Variants in PRKAR2B observed in about 807,000 individuals in gnomAD.
The protein encoded by PRKAR2B is protein kinase cAMP-dependent type II regulatory subunit beta.
In PRKAR2B, 14 loss-of-function variants were observed where a neutral mutation model predicts 49.9. The observed-to-expected ratio is 0.28, with a 90% confidence interval of 0.19 to 0.44. The LOEUF (loss-of-function observed/expected upper bound fraction) is 0.44, where lower values mean the gene tolerates loss of function less well. Ranked by LOEUF, PRKAR2B falls within the 20% of genes least tolerant of loss-of-function variation. PRKAR2B has a pLI of 1.00. For missense variants in PRKAR2B, 393 were observed against 537.9 expected (o/e 0.73, Z 2.67); for synonymous variants, 196 against 197.7 (o/e 0.99, Z 0.07).
intron 2 of PRKAR2B, among the ~76,000 whole-genome samples, chr7:107,096,913 G>A (rs1794850071): frequency 6.6e-6 from 1 of 152,146 alleles, no homozygotes; most frequent in Non-Finnish European, 1.5e-5. Flanking sequence ...ACTTGCTGAG[G>A]GGTGCTTTAC....
chr7:107,044,805 G>A lies in PRKAR2B; in HGVS notation c.-103G>A. ...CAGTGCGCCGCGCTCGCAGCCGGTA[G>A]CGCGCCAGCGCCGTAGGCGCTCGCT... On this transcript the variant is annotated 5_prime_UTR_variant, in exon 1 of 11. Transcript: ENST00000265717. The A allele has an allele frequency of 1.1e-6, 1 of 918,378 alleles. No individual in the cohort carries two copies. The highest frequency in any genetic ancestry group is 1.8e-5 in the African/African-American group (1 of 56,880). 56.9% of individuals were successfully genotyped at this position (918,378 alleles called of 1,614,324 possible).
chr7:107,104,747 A>T (rs1490707370), intron 2 of PRKAR2B, among the ~76,000 whole-genome samples: 1 of 152,208 alleles, frequency 6.6e-6, no homozygotes, highest in East Asian at 1.9e-4. Flanking sequence ...TCCATTCAAA[A>T]GCAAAAGTAT....
chr7:107,057,090 C>G (rs1793931649), intron 1 of PRKAR2B, among the ~76,000 whole-genome samples: 1 of 152,176 alleles, frequency 6.6e-6, no homozygotes, highest in Non-Finnish European at 1.5e-5. Flanking sequence ...TGCGTTTCCT[C>G]ATCATTCCTG....
Position 107,152,895 on chromosome 7 carries a change from A to G in PRKAR2B, c.844-282A>G, listed in dbSNP as rs80198610. Among the ~76,000 whole-genome samples the G allele has an allele frequency of 1.6e-3, 247 of 152,322 alleles. 1 individual carries two copies. The East Asian group carries it at 0.023, about 14-fold the overall frequency. On this transcript the variant is annotated intron_variant, in intron 7 of 10. Transcript: ENST00000265717. Reference sequence around the variant, plus strand: ...AAGGGACTTTGGCAGATTGGAGAACATGTATTTCATTAAAGAAACAGCTGC... The same window carrying G: ...AAGGGACTTTGGCAGATTGGAGAACGTGTATTTCATTAAAGAAACAGCTGC...
chr7:107,127,365 A>G (rs1334366110), intron 3 of PRKAR2B, among the ~76,000 whole-genome samples: 3 of 152,222 alleles, frequency 2.0e-5, no homozygotes, highest in Non-Finnish European at 4.4e-5. Flanking sequence ...AACTCATTTT[A>G]TAGTTACAAA....
intron 2 of PRKAR2B, among the ~76,000 whole-genome samples, chr7:107,108,552 G>A (rs939892097): frequency 3.3e-5 from 5 of 152,192 alleles, no homozygotes; most frequent in Non-Finnish European, 4.4e-5. Flanking sequence ...TCAATGTCAA[G>A]GGGGAACAGA....
intron 1 of PRKAR2B, among the ~76,000 whole-genome samples, chr7:107,069,274 A>G (rs756830184): frequency 3.9e-5 from 6 of 152,190 alleles, no homozygotes; most frequent in Non-Finnish European, 8.8e-5. Context: ...GTAAGGATTA[A>G]TGCACTACAC....
chr7:107,048,649 G>GCC (rs935363727), intron 1 of PRKAR2B, among the ~76,000 whole-genome samples: 1 of 152,176 alleles, frequency 6.6e-6, no homozygotes, highest in African/African-American at 2.4e-5. Flanking sequence ...ATGTTGTCTG[G>GCC]CCAGGGGTCG....
chr7:107,157,632 G>A (rs1224956487), intron 10 of PRKAR2B, among the ~76,000 whole-genome samples: 1 of 152,214 alleles, frequency 6.6e-6, no homozygotes, highest in Admixed American at 6.5e-5. Flanking sequence ...CATGTGCTAT[G>A]TTCCTCAAAA....
intron 1 of PRKAR2B, among the ~76,000 whole-genome samples, chr7:107,046,568 C>T (rs1400557679): frequency 6.6e-6 from 1 of 152,178 alleles, no homozygotes; most frequent in Non-Finnish European, 1.5e-5. Context: ...CTAAATGTTT[C>T]CCCAAGAGGA....
chr7:107,133,635 C>G (rs1795642312), intron 4 of PRKAR2B: 1 of 152,134 alleles, frequency 6.6e-6, no homozygotes, highest in African/African-American at 2.4e-5. Context: ...GGCTGCTGTT[C>G]CACAAAAAGA....
At chr7:107,096,394 T>A (rs983503305) in intron 2 of PRKAR2B, among the ~76,000 whole-genome samples, 2 of 152,154 alleles carry the variant, frequency 1.3e-5, no homozygotes, top group African/African-American at 4.8e-5. Context: ...TCTTCTCTCT[T>A]TTATTCTTTG....
At chr7:107,115,680 AAG>A (rs961288726) in intron 2 of PRKAR2B, among the ~76,000 whole-genome samples, 1 of 152,102 alleles carries the variant, frequency 6.6e-6, no homozygotes, top group Non-Finnish European at 1.5e-5. Context: ...GAGAGAGAAT[AAG>A]AGAGAGAGAA....
intron 2 of PRKAR2B, among the ~76,000 whole-genome samples, chr7:107,087,375 A>G (rs1052869321): frequency 6.6e-6 from 1 of 152,206 alleles, no homozygotes; most frequent in Non-Finnish European, 1.5e-5. Flanking sequence ...TCCATTTTGC[A>G]TACAAACTTT....
intron 5 of PRKAR2B, 123 bp downstream of exon 5, chr7:107,141,076 C>T: frequency 6.3e-6 from 4 of 630,388 alleles, no homozygotes; most frequent in Non-Finnish European, 1.1e-5. Context: ...CTTATTATTA[C>T]ATAATAGGCA....
intron 1 of PRKAR2B, among the ~76,000 whole-genome samples, chr7:107,060,270 G>A (rs1794001095): frequency 2.0e-5 from 3 of 152,122 alleles, no homozygotes; most frequent in Admixed American, 2.0e-4. Flanking sequence ...AAGGTTGATT[G>A]TAGGGGTGCA....
rs569496554 is a variant in PRKAR2B, at chr7:107,072,649, G to GT, written c.343+2340dup. On this transcript the variant is annotated intron_variant, in intron 2 of 10. Coordinates refer to ENST00000265717, the MANE Select transcript of PRKAR2B (RefSeq NM_002736.3). The stretch of plus-strand genomic sequence containing the variant: ...GACATCCTGAGGAGGAAATGCTACA[G>GT]TTTTTTTGTTAATTTAATTTAGTGC... Among the ~76,000 whole-genome samples, 1,069 of 152,168 alleles carry GT rather than the reference G, an allele frequency of 7.0e-3. 8 individuals carry two copies. Among genetic ancestry groups the GT allele is most frequent in the Non-Finnish European group, 0.011 (755 of 67,986 alleles).
chr7:107,046,810 A>G (rs926891148), intron 1 of PRKAR2B, among the ~76,000 whole-genome samples: 14 of 150,972 alleles, frequency 9.3e-5, no homozygotes, highest in Non-Finnish European at 2.9e-5. Flanking sequence ...AAAACTAGGA[A>G]CTAAGGGGCT....
chr7:107,102,205 T>C (rs936341086), intron 2 of PRKAR2B, among the ~76,000 whole-genome samples: 1 of 152,128 alleles, frequency 6.6e-6, no homozygotes, highest in African/African-American at 2.4e-5. Flanking sequence ...AGACTCCGTC[T>C]CAAAAAGAAA....
Sources: gnomAD v4.1 joint callset for allele counts (sites outside exome capture counted in the v4.1 genomes callset) on GRCh38, gnomAD v4.1.1 for gene constraint, MANE v1.5 for transcripts, NCBI Gene and HGNC (gene_info 2026-07-23, HGNC 2026-07-21) for gene names.